Variants in SMYD3 observed in about 807,000 individuals in gnomAD.
SMYD3 encodes the protein SET and MYND domain containing 3, also known as histone-lysine N-methyltransferase SMYD3.
SMYD3 carries 36 observed loss-of-function variants against 57.7 expected under a neutral mutation model. That is an observed-to-expected ratio of 0.62 (90% CI 0.48 to 0.82). The LOEUF (loss-of-function observed/expected upper bound fraction) is 0.82. SMYD3 is among the 40% of genes least tolerant of loss of function. The probability of loss-of-function intolerance (pLI) is 0.00; values close to 1 mark genes in which losing one functional copy is unlikely to be tolerated. For synonymous variants in SMYD3, 211 were observed against 195.0 expected (o/e 1.08, Z -0.68); for missense variants, 515 against 538.8 (o/e 0.96, Z 0.44).
In SMYD3 at chr1:246,214,988, T is replaced by C. The variant is rs187467171; in HGVS notation, c.531+112213A>G. 8.6e-3 allele frequency among the ~76,000 whole-genome samples: 1,314 copies of C among 152,258 alleles called. 64 individuals are homozygous for C. Among genetic ancestry groups the C allele is most frequent in the Admixed American group, 0.079 (1,206 of 15,292 alleles). Reference sequence around the variant, plus strand: ...ACTTAATTTTCTTTATTTATGCAGATTTTTACCTCTCTAAAAAATGCTGCT... The same window carrying C: ...ACTTAATTTTCTTTATTTATGCAGACTTTTACCTCTCTAAAAAATGCTGCT... On this transcript the variant is annotated intron_variant, in intron 5 of 11. Transcript: ENST00000490107.
intron 5 of SMYD3, among the ~76,000 whole-genome samples, chr1:246,249,501 G>A (rs2063765019): frequency 6.7e-6 from 1 of 150,186 alleles, no homozygotes; most frequent in African/African-American, 2.4e-5. Flanking sequence ...AATGCACCCA[G>A]TATGGATCCT....
chr1:246,431,035 A>G (rs966102076), intron 1 of SMYD3, among the ~76,000 whole-genome samples: 1 of 152,220 alleles, frequency 6.6e-6, no homozygotes, highest in Non-Finnish European at 1.5e-5. Flanking sequence ...TGAAAGCAGT[A>G]CACATGGACT....
At chr1:245,859,395 A>C (rs1201432246) in intron 9 of SMYD3, among the ~76,000 whole-genome samples, 1 of 152,212 alleles carries the variant, frequency 6.6e-6, no homozygotes, top group Non-Finnish European at 1.5e-5. Flanking sequence ...TGGGGAGAAG[A>C]CTCAATGTCC....
chr1:246,245,474 G>A (rs1299834113), intron 5 of SMYD3, among the ~76,000 whole-genome samples: 1 of 151,902 alleles, frequency 6.6e-6, no homozygotes, highest in African/African-American at 2.4e-5. Context: ...CAGAAATACT[G>A]GGAATAAAAG....
chr1:246,132,989 G>A (rs2061610602), intron 5 of SMYD3, among the ~76,000 whole-genome samples: 1 of 151,994 alleles, frequency 6.6e-6, no homozygotes, highest in Non-Finnish European at 1.5e-5. Context: ...AAGAAGAAAT[G>A]GCGGCAAGGA....
intron 10 of SMYD3, among the ~76,000 whole-genome samples, chr1:245,847,691 C>G (rs1336934569): frequency 7.4e-6 from 1 of 135,690 alleles, no homozygotes; most frequent in Non-Finnish European, 1.6e-5. Flanking sequence ...AAATTCAATG[C>G]ATCCCAAAAG....
At chr1:246,460,311 TAGTAAC>T (rs2067777614) in intron 1 of SMYD3, among the ~76,000 whole-genome samples, 3 of 152,232 alleles carry the variant, frequency 2.0e-5, no homozygotes, top group Admixed American at 2.0e-4. Context: ...CTCTAGCACT[TAGTAAC>T]AGAAAGATGA....
At chr1:245,808,371 A>C (rs1400500981) in intron 10 of SMYD3, among the ~76,000 whole-genome samples, 2 of 152,258 alleles carry the variant, frequency 1.3e-5, no homozygotes, top group East Asian at 1.9e-4. Flanking sequence ...ATGATGCCCC[A>C]AAACATCCTT....
chr1:245,803,150 G>A (rs978056179), intron 10 of SMYD3, among the ~76,000 whole-genome samples: 14 of 152,154 alleles, frequency 9.2e-5, no homozygotes, highest in East Asian at 3.9e-4. Context: ...CCGGAATGGC[G>A]TGCCGAAACC....
rs1291322645 is a variant in SMYD3 at position 246,461,911 on chromosome 1, G to GAGAC, written c.164+45139_164+45142dup. 1.3e-4 allele frequency among the ~76,000 whole-genome samples: 20 copies of GAGAC among 152,098 alleles called. 1 individual carries two copies. Among genetic ancestry groups the GAGAC allele is most frequent in the African/African-American group, 4.3e-4 (18 of 41,418 alleles). On this transcript the variant is annotated intron_variant, in intron 1 of 11. Transcript: ENST00000490107. The stretch of plus-strand genomic sequence containing the variant: ...TTAATTGATTGTCTGCCTAATTCTA[G>GAGAC]AGACATAAAGATGAAGGTACTCACA...
intron 5 of SMYD3, among the ~76,000 whole-genome samples, chr1:246,008,321 C>T (rs1339096198): frequency 6.6e-6 from 1 of 152,244 alleles, no homozygotes; most frequent in African/African-American, 2.4e-5. Flanking sequence ...TTACCACTTG[C>T]CTAGGATGTC....
chr1:245,966,240 C>A (rs1450401382), intron 5 of SMYD3, among the ~76,000 whole-genome samples: 1 of 152,154 alleles, frequency 6.6e-6, no homozygotes, highest in Non-Finnish European at 1.5e-5. Context: ...GGTGCCATCA[C>A]AGCCAACTGT....
chr1:245,781,466 T>C (rs575262435), intron 10 of SMYD3, among the ~76,000 whole-genome samples: 2 of 152,198 alleles, frequency 1.3e-5, no homozygotes, highest in African/African-American at 4.8e-5. Flanking sequence ...ACTGGGAAAA[T>C]TGAGAAAAAT....
chr1:246,431,302 C>G (rs1192564507), intron 1 of SMYD3, among the ~76,000 whole-genome samples: 1 of 152,200 alleles, frequency 6.6e-6, no homozygotes, highest in Non-Finnish European at 1.5e-5. Context: ...ACAAATTGAT[C>G]TTTTGCTTTA....
intron 5 of SMYD3, among the ~76,000 whole-genome samples, chr1:246,086,105 A>G (rs2060716788): frequency 6.6e-6 from 1 of 151,906 alleles, no homozygotes; most frequent in Non-Finnish European, 1.5e-5. Flanking sequence ...TTATCCCAAC[A>G]TAATTATTAA....
At chr1:246,109,679 A>C (rs2061196710) in intron 5 of SMYD3, 1 of 152,208 alleles carries the variant, frequency 6.6e-6, no homozygotes, top group Non-Finnish European at 1.5e-5. Context: ...AAGGAATAGA[A>C]GCCTCTGACC....
intron 5 of SMYD3, among the ~76,000 whole-genome samples, chr1:245,990,468 G>A (rs1161891260): frequency 1.3e-5 from 2 of 152,136 alleles, no homozygotes; most frequent in African/African-American, 2.4e-5. Flanking sequence ...CAGCTATCTC[G>A]ACCTTGAATA....
intron 5 of SMYD3, among the ~76,000 whole-genome samples, chr1:245,964,860 T>C (rs562839664): frequency 1.7e-4 from 25 of 148,376 alleles, no homozygotes; most frequent in Admixed American, 1.1e-3. Flanking sequence ...ATACATATAA[T>C]GGGAATATTA....
intron 1 of SMYD3, among the ~76,000 whole-genome samples, chr1:246,451,707 T>C (rs1318721641): frequency 1.3e-5 from 2 of 152,226 alleles, no homozygotes; most frequent in Non-Finnish European, 2.9e-5. Context: ...GTGTCCATTG[T>C]AGGGGAGGCT....
Sources: gnomAD v4.1 joint callset for allele counts (sites outside exome capture counted in the v4.1 genomes callset) on GRCh38, gnomAD v4.1.1 for gene constraint, MANE v1.5 for transcripts, NCBI Gene and HGNC (gene_info 2026-07-23, HGNC 2026-07-21) for gene names.